The following MYO3A variants were observed in gnomAD, a reference collection of about 807,000 sequenced individuals.
MYO3A encodes the protein myosin-IIIa.
In MYO3A, 180 loss-of-function variants were observed where a neutral mutation model predicts 192.7. The ratio of observed to expected loss-of-function variants is 0.93; its 90% confidence interval spans 0.83 to 1.06. The LOEUF is 1.06. Ranked by LOEUF, MYO3A falls within the 50% of genes least tolerant of loss-of-function variation. The pLI, the probability that MYO3A is intolerant of heterozygous loss-of-function variation, is 0.00. For synonymous variants in MYO3A, 628 were observed against 645.3 expected, an observed-to-expected ratio of 0.97 and a Z score of 0.41; for missense variants, 1,896 against 1,905.0, an observed-to-expected ratio of 1.00 and a Z score of 0.09.
chr10:26,170,669 A>T, intron 29 of MYO3A, 130 bp downstream of exon 29: 4 of 975,072 alleles, frequency 4.1e-6, no homozygotes, highest in Non-Finnish European at 6.1e-6. Context: ...ATGTCAGTGA[A>T]CACCCAGAGG....
chr10:26,109,269 A>T (rs902247619), intron 17 of MYO3A, among the ~76,000 whole-genome samples: 1 of 152,254 alleles, frequency 6.6e-6, no homozygotes, highest in Non-Finnish European at 1.5e-5. Context: ...TGTAACAATG[A>T]ATATTTAGAG....
At chr10:26,084,215 T>A (rs1836160383) in intron 14 of MYO3A, among the ~76,000 whole-genome samples, 1 of 152,270 alleles carries the variant, frequency 6.6e-6, no homozygotes, top group Non-Finnish European at 1.5e-5. Flanking sequence ...GTTTTAATCT[T>A]TGATTCTGTT....
chr10:25,936,781 G>T (rs1208961915), intron 2 of MYO3A, among the ~76,000 whole-genome samples: 1 of 151,966 alleles, frequency 6.6e-6, no homozygotes, highest in Non-Finnish European at 1.5e-5. Flanking sequence ...TTTCTTTTAT[G>T]AAAATATGGG....
intron 6 of MYO3A, among the ~76,000 whole-genome samples, chr10:26,008,366 A>G (rs1841379540): frequency 6.7e-6 from 1 of 148,688 alleles, no homozygotes; most frequent in South Asian, 2.1e-4. Flanking sequence ...TGGCAACAAA[A>G]GCCAAAATTG....
At chr10:26,132,848 C>G (rs1839620904) in intron 20 of MYO3A, among the ~76,000 whole-genome samples, 1 of 152,150 alleles carries the variant, frequency 6.6e-6, no homozygotes, top group Non-Finnish European at 1.5e-5. Context: ...GCTCTAGCTT[C>G]TCTTGCAGAA....
Position 26,199,356 on chromosome 10 carries a change from C to T in MYO3A, c.4546-1909C>T, listed in dbSNP as rs547243302. On this transcript the variant is annotated intron_variant, in intron 32 of 34. Transcript: ENST00000642920. ...TTGCTTGAGCTTAAGAGTTCGAGACCAGCCTGGGGAACATAGCGAAACCTT... is the reference window on the plus strand; with the variant it reads ...TTGCTTGAGCTTAAGAGTTCGAGACTAGCCTGGGGAACATAGCGAAACCTT... Among the ~76,000 whole-genome samples, 3 of 152,154 alleles carry T rather than the reference C, an allele frequency of 2.0e-5. No individual in the cohort carries two copies. In the South Asian group the frequency reaches 6.2e-4, roughly 32 times the overall value.
chr10:25,989,430 C>A (rs1839871838), intron 4 of MYO3A, among the ~76,000 whole-genome samples: 1 of 152,074 alleles, frequency 6.6e-6, no homozygotes, highest in South Asian at 2.1e-4. Flanking sequence ...AAGGGTATTA[C>A]CCTTCCTGAT....
intron 8 of MYO3A, among the ~76,000 whole-genome samples, chr10:26,023,731 A>G (rs1276205504): frequency 1.3e-5 from 2 of 152,192 alleles, no homozygotes; most frequent in African/African-American, 4.8e-5. Flanking sequence ...TCTGTTAAGT[A>G]TTGATGTTTC....
intron 34 of MYO3A, among the ~76,000 whole-genome samples, chr10:26,205,633 T>TTTA (rs1843892180): frequency 7.9e-6 from 1 of 126,296 alleles, no homozygotes; most frequent in Non-Finnish European, 1.7e-5. Flanking sequence ...TTTTTTTTTT[T>TTTA]TGAGACAGAG....
intron 4 of MYO3A, among the ~76,000 whole-genome samples, chr10:25,964,794 A>G (rs1383988721): frequency 6.6e-6 from 1 of 152,188 alleles, no homozygotes; most frequent in African/African-American, 2.4e-5. Flanking sequence ...GGTATTGATG[A>G]AATCCTTCAA....
intron 17 of MYO3A, among the ~76,000 whole-genome samples, chr10:26,099,582 A>T (rs1837299661): frequency 6.6e-6 from 1 of 152,082 alleles, no homozygotes; most frequent in African/African-American, 2.4e-5. Flanking sequence ...TGAGATATGA[A>T]CCATCAATAC....
chr10:26,187,517 T>C (rs1842923671), intron 31 of MYO3A, among the ~76,000 whole-genome samples: 1 of 152,102 alleles, frequency 6.6e-6, no homozygotes, highest in Non-Finnish European at 1.5e-5. Context: ...ATACTCTAAA[T>C]TTTAGGGTAC....
At chr10:26,014,737 C>T (rs1477158381) in intron 6 of MYO3A, among the ~76,000 whole-genome samples, 1 of 151,982 alleles carries the variant, frequency 6.6e-6, no homozygotes, top group African/African-American at 2.4e-5. Flanking sequence ...ATTTATGACC[C>T]CTTTATGTTG....
chr10:26,065,633 G>A (rs1834789951), intron 10 of MYO3A, among the ~76,000 whole-genome samples: 1 of 149,084 alleles, frequency 6.7e-6, no homozygotes, highest in Non-Finnish European at 1.5e-5. Flanking sequence ...ATTCTTTTGA[G>A]GATTTTTACT....
At chr10:26,047,397 A>G (rs1335721753) in intron 10 of MYO3A, among the ~76,000 whole-genome samples, 1 of 152,212 alleles carries the variant, frequency 6.6e-6, no homozygotes, top group East Asian at 1.9e-4. Context: ...ATATTGCAAT[A>G]CTAAGTTTTT....
At chr10:25,939,092 G>A (rs919973879) in intron 2 of MYO3A, among the ~76,000 whole-genome samples, 9 of 151,984 alleles carry the variant, frequency 5.9e-5, no homozygotes, top group African/African-American at 1.4e-4. Flanking sequence ...AAGAAAAATA[G>A]CTTTTTTCTT....
intron 34 of MYO3A, among the ~76,000 whole-genome samples, chr10:26,205,834 T>TG (rs1187050123): frequency 6.6e-6 from 1 of 152,030 alleles, no homozygotes; most frequent in Non-Finnish European, 1.5e-5. Flanking sequence ...TTAGCCAGGA[T>TG]GGTCTCGATC....
intron 2 of MYO3A, among the ~76,000 whole-genome samples, chr10:25,950,475 T>C (rs1293598020): frequency 6.6e-6 from 1 of 152,178 alleles, no homozygotes; most frequent in Non-Finnish European, 1.5e-5. Context: ...GTAGGGTTGC[T>C]GGGCAGAGTT....
intron 17 of MYO3A, among the ~76,000 whole-genome samples, chr10:26,108,272 A>T (rs556113780): frequency 2.6e-4 from 39 of 152,310 alleles, no homozygotes; most frequent in African/African-American, 8.9e-4. Context: ...AATTTGTTGA[A>T]TTTTGATTTC....
Sources: allele counts gnomAD v4.1 joint callset (sites outside exome capture counted in the v4.1 genomes callset), GRCh38; gene constraint gnomAD v4.1.1; transcripts MANE v1.5; gene names NCBI Gene and HGNC (gene_info 2026-07-23, HGNC 2026-07-21).